The following RBFOX1 variants were observed in gnomAD, a reference collection of about 807,000 sequenced individuals.
The protein encoded by RBFOX1 is RNA binding fox-1 homolog 1, also known as RNA binding protein fox-1 homolog 1.
In RBFOX1, 8 loss-of-function variants were observed where a neutral mutation model predicts 57.7. That is an observed-to-expected ratio of 0.14 (90% CI 0.08 to 0.25). The LOEUF (loss-of-function observed/expected upper bound fraction) is 0.25, where lower values mean the gene tolerates loss of function less well. Among genes scored for constraint, RBFOX1 ranks in the 10% least tolerant of loss-of-function variants. The pLI, the probability that RBFOX1 is intolerant of heterozygous loss-of-function variation, is 1.00. For synonymous variants in RBFOX1, 326 were observed against 222.4 expected (o/e 1.47, Z -4.15); for missense variants, 611 against 548.5 (o/e 1.11, Z -1.14).
At chr16:6,603,612 C>T (rs79873943) in intron 2 of RBFOX1, among the ~76,000 whole-genome samples, 4 of 152,040 alleles carry the variant, frequency 2.6e-5, no homozygotes, top group African/African-American at 9.7e-5. Context: ...TTGAGAAAGC[C>T]CCCCCGGGCA....
chr16:5,800,695 C>T (rs540852515), intron 3 of RBFOX1, among the ~76,000 whole-genome samples: 30 of 152,242 alleles, frequency 2.0e-4, no homozygotes, highest in African/African-American at 2.9e-4. Context: ...AAAGTGTTGT[C>T]CCTGCAGTCA....
intron 3 of RBFOX1, among the ~76,000 whole-genome samples, chr16:6,923,580 C>A (rs957641851): frequency 6.6e-6 from 1 of 151,982 alleles, no homozygotes; most frequent in African/African-American, 2.4e-5. Context: ...TCATGGCTGA[C>A]CATTTTCCAG....
chr16:7,422,538 C>A (rs921235972), intron 4 of RBFOX1, among the ~76,000 whole-genome samples: 1 of 152,090 alleles, frequency 6.6e-6, no homozygotes, highest in Non-Finnish European at 1.5e-5. Flanking sequence ...ACTGGGGGAT[C>A]AAATGAGAAG....
chr16:6,902,354 A>C (rs1596640291), intron 3 of RBFOX1, among the ~76,000 whole-genome samples: 2 of 152,204 alleles, frequency 1.3e-5, no homozygotes, highest in African/African-American at 4.8e-5. Context: ...TAGTAATTTC[A>C]AGTTGGTGAA....
intron 3 of RBFOX1, among the ~76,000 whole-genome samples, chr16:5,848,780 C>G (rs2056817821): frequency 6.6e-6 from 1 of 151,912 alleles, no homozygotes; most frequent in South Asian, 2.1e-4. Flanking sequence ...AACCCCGTCT[C>G]TAATAAAAAA....
At position 6,097,114 on chromosome 16, in the gene RBFOX1, A is replaced by T. The variant is rs544738331; in HGVS notation, c.-127+77122A>T. ...AAGTCTTACTAGATCTGATGGTTTG[A>T]TAAGGGGAAATCGCTTTCACTTCGT... On this transcript the variant is annotated intron_variant, in intron 1 of 15. Transcript: ENST00000550418. This position sits in a 1 kb window ranked among gnomAD's most constrained non-coding sequence, Gnocchi z 5.0. Among the ~76,000 whole-genome samples, 6 of 152,146 alleles carry T rather than the reference A, an allele frequency of 3.9e-5. No homozygotes were observed. Among genetic ancestry groups the T allele is most frequent in the African/African-American group, 1.4e-4 (6 of 41,500 alleles).
At chr16:6,813,567 T>A (rs1337060741) in intron 3 of RBFOX1, among the ~76,000 whole-genome samples, 1 of 152,104 alleles carries the variant, frequency 6.6e-6, no homozygotes, top group East Asian at 1.9e-4. Context: ...TCACTAAGTG[T>A]CTCTTTCATC....
At position 6,765,106 on chromosome 16, in the gene RBFOX1, TC is replaced by T. The variant is rs1484848471; in HGVS notation, c.-16+110457del. ...TGCGAGGGAATCTGGGGAAGCGTGC[TC>T]TAGGCTGATGGAACAGCAAGTAAAA... On this transcript the variant is annotated intron_variant, in intron 3 of 15. Coordinates refer to ENST00000550418, the MANE Select transcript of RBFOX1 (RefSeq NM_018723.4). Among the ~76,000 whole-genome samples the T allele has an allele frequency of 2.6e-5, 4 of 152,060 alleles. No homozygotes were observed. In the East Asian group the frequency reaches 7.7e-4, roughly 29 times the overall value.
intron 3 of RBFOX1, among the ~76,000 whole-genome samples, chr16:7,042,687 A>C (rs1282844716): frequency 6.6e-6 from 1 of 152,216 alleles, no homozygotes; most frequent in African/African-American, 2.4e-5. Flanking sequence ...GCAGTTTGGG[A>C]GGCCCAGGCG....
intron 1 of RBFOX1, among the ~76,000 whole-genome samples, chr16:6,315,854 A>G (rs2081053907): frequency 6.6e-6 from 1 of 152,138 alleles, no homozygotes; most frequent in Non-Finnish European, 1.5e-5. Flanking sequence ...GAGGGGACTC[A>G]CCAGATGTGA....
intron 2 of RBFOX1, among the ~76,000 whole-genome samples, chr16:6,612,970 G>A (rs962053559): frequency 6.6e-6 from 1 of 151,750 alleles, no homozygotes; most frequent in Admixed American, 6.6e-5. Context: ...CAGTTCACGT[G>A]CCAAGTGAGA....
intron 3 of RBFOX1, among the ~76,000 whole-genome samples, chr16:6,948,514 C>G (rs954420043): frequency 2.7e-5 from 4 of 149,662 alleles, no homozygotes; most frequent in African/African-American, 9.9e-5. Flanking sequence ...TCCCAAGTAG[C>G]TTGGACTAGA....
Position 7,396,475 on chromosome 16 carries a change from C to G in RBFOX1, c.28-121672C>G, listed in dbSNP as rs1051297153. ...GGTTTTTATTGCCATTTCTGCGCTT[C>G]CCTACACGTCCTGATTCATAAGTGG... On this transcript the variant is annotated intron_variant, in intron 4 of 15. Transcript: ENST00000550418. Among the ~76,000 whole-genome samples the G allele has an allele frequency of 2.0e-5, 3 of 152,302 alleles. No individual in the cohort carries two copies. In the East Asian group the frequency reaches 5.8e-4, roughly 29 times the overall value.
chr16:6,909,508 ACT>A (rs1400717425), intron 3 of RBFOX1, among the ~76,000 whole-genome samples: 1 of 152,060 alleles, frequency 6.6e-6, no homozygotes, highest in Non-Finnish European at 1.5e-5. Context: ...TGTCTATCAC[ACT>A]CTCTAAAGGC....
At chr16:6,219,184 G>A (rs1318821056) in intron 1 of RBFOX1, among the ~76,000 whole-genome samples, 3 of 152,186 alleles carry the variant, frequency 2.0e-5, no homozygotes, top group African/African-American at 4.8e-5. Context: ...TTTAGAAAAT[G>A]AGGGCCGAGT....
chr16:7,536,316 G>A (rs747709486), intron 5 of RBFOX1, among the ~76,000 whole-genome samples: 10 of 152,220 alleles, frequency 6.6e-5, no homozygotes, highest in Non-Finnish European at 1.2e-4. Context: ...ATTAGAGGCT[G>A]GGCGCGGTGG....
chr16:5,561,788 T>C (rs967411714), intron 2 of RBFOX1, among the ~76,000 whole-genome samples: 2 of 152,172 alleles, frequency 1.3e-5, no homozygotes, highest in African/African-American at 4.8e-5. Flanking sequence ...CCCTGAGATG[T>C]ATTTTAGCAG....
In RBFOX1 at chr16:5,660,475, A is replaced by G. The variant is rs146102655; in HGVS notation, c.318+61514A>G. On this transcript the variant is annotated intron_variant, in intron 3 of 19. Transcript: ENST00000641259. ...GACCTGTGATTTCGTTATCAATGCA[A>G]TGTGAGTCATGAATGCCATACGTTG... 3.5e-3 allele frequency among the ~76,000 whole-genome samples: 540 copies of G among 152,266 alleles called. 8 individuals carry two copies. The highest frequency in any genetic ancestry group is 0.01 in the South Asian group (50 of 4,820).
chr16:6,781,694 T>C (rs1279400582), intron 3 of RBFOX1, among the ~76,000 whole-genome samples: 1 of 152,162 alleles, frequency 6.6e-6, no homozygotes, highest in African/African-American at 2.4e-5. Flanking sequence ...TTCCAGATTT[T>C]CCAAATCGTT....
Sources: allele counts gnomAD v4.1 joint callset (sites outside exome capture counted in the v4.1 genomes callset), GRCh38; gene constraint gnomAD v4.1.1; non-coding constraint Gnocchi (gnomAD v3.1); transcripts MANE v1.5; gene names NCBI Gene and HGNC (gene_info 2026-07-23, HGNC 2026-07-21).